The following NETO1 variants were observed in gnomAD, a reference collection of about 807,000 sequenced individuals.
The protein encoded by NETO1 is neuropilin and tolloid-like protein 1.
NETO1 carries 26 observed loss-of-function variants against 61.3 expected under a neutral mutation model. The ratio of observed to expected loss-of-function variants is 0.42; its 90% CI spans 0.31 to 0.59. The LOEUF is 0.59. Among genes scored for constraint, NETO1 ranks in the 20% least tolerant of loss-of-function variants. The probability of loss-of-function intolerance (pLI) is 0.12; values close to 1 mark genes in which losing one functional copy is unlikely to be tolerated. For missense variants in NETO1, 531 were observed against 662.8 expected (o/e 0.80, Z 2.18); for synonymous variants, 225 against 225.8 (o/e 1.00, Z 0.03).
At chr18:72,786,661 T>C (rs2071929483) in intron 6 of NETO1, among the ~76,000 whole-genome samples, 1 of 152,246 alleles carries the variant, frequency 6.6e-6, no homozygotes, top group Middle Eastern at 3.4e-3. Context: ...ACTCATGCAG[T>C]CCATCTGTGA....
chr18:72,790,399 G>T (rs2072075651), intron 6 of NETO1, among the ~76,000 whole-genome samples: 1 of 152,076 alleles, frequency 6.6e-6, no homozygotes, highest in Non-Finnish European at 1.5e-5. Flanking sequence ...AAAGAATGTG[G>T]TTTTGTGAGA....
intron 7 of NETO1, among the ~76,000 whole-genome samples, chr18:72,782,979 C>T (rs1018079587): frequency 6.6e-6 from 1 of 152,148 alleles, no homozygotes; most frequent in African/African-American, 2.4e-5. Context: ...CTGTTCATGT[C>T]ACAAGGTACT....
chr18:72,846,982 C>A (rs920213106), intron 4 of NETO1, among the ~76,000 whole-genome samples: 1 of 152,212 alleles, frequency 6.6e-6, no homozygotes, highest in Admixed American at 6.5e-5. Context: ...GCAAGCAAAA[C>A]GGAAGTTGGA....
intron 7 of NETO1, among the ~76,000 whole-genome samples, chr18:72,765,399 CTA>C (rs2071118407): frequency 1.3e-5 from 2 of 151,444 alleles, no homozygotes; most frequent in Non-Finnish European, 2.9e-5. Flanking sequence ...TGGTGACAGA[CTA>C]TATATCACAA....
Position 72,843,412 on chromosome 18 carries a change from A to G in NETO1, c.469+15414T>C, listed in dbSNP as rs577076181. Among the ~76,000 whole-genome samples the G allele has an allele frequency of 7.2e-5, 11 of 152,310 alleles. No homozygotes were observed. In the East Asian group the frequency reaches 7.7e-4, roughly 11 times the overall value. On this transcript the variant is annotated intron_variant, in intron 4 of 10. Coordinates refer to ENST00000327305, the MANE Select transcript of NETO1 (RefSeq NM_138966.5). ...AGCTGAACCAAATGTATTTCCTCAA[A>G]TCTTGCAGGACATCTGAAATCATCC... is the stretch of plus-strand genomic sequence containing the variant.
At chr18:72,845,864 C>A (rs1217963222) in intron 4 of NETO1, among the ~76,000 whole-genome samples, 1 of 152,156 alleles carries the variant, frequency 6.6e-6, no homozygotes. Flanking sequence ...TGGCGTATTA[C>A]TTTGCAGTCT....
intron 4 of NETO1, among the ~76,000 whole-genome samples, chr18:72,828,655 TAAAC>T (rs773568408): frequency 2.0e-5 from 3 of 151,956 alleles, no homozygotes; most frequent in African/African-American, 4.8e-5. Flanking sequence ...ACAAAAGAAA[TAAAC>T]AAAAGGAAAT....
chr18:72,786,585 C>A (rs188677397), intron 6 of NETO1, among the ~76,000 whole-genome samples: 6 of 152,242 alleles, frequency 3.9e-5, no homozygotes, highest in Non-Finnish European at 1.5e-5. Flanking sequence ...TATGCCCCAA[C>A]GAGGCCTTCA....
chr18:72,761,436 G>A (rs1350413145), intron 7 of NETO1, among the ~76,000 whole-genome samples: 1 of 152,166 alleles, frequency 6.6e-6, no homozygotes, highest in Non-Finnish European at 1.5e-5. Flanking sequence ...ATAGGAGGAA[G>A]GTTTAGCTGT....
chr18:72,842,136 G>A (rs1340133625), intron 4 of NETO1, among the ~76,000 whole-genome samples: 1 of 152,164 alleles, frequency 6.6e-6, no homozygotes, highest in East Asian at 1.9e-4. Flanking sequence ...TTTAAGGTAT[G>A]CAAAAATGCA....
At chr18:72,837,160 A>G (rs1402657860) in intron 4 of NETO1, among the ~76,000 whole-genome samples, 45 of 152,306 alleles carry the variant, frequency 3.0e-4, no homozygotes, top group Non-Finnish European at 1.6e-4. Flanking sequence ...CTATTGTTCA[A>G]TAAACAGGAA....
intron 7 of NETO1, among the ~76,000 whole-genome samples, chr18:72,766,116 G>C (rs1419895525): frequency 1.3e-5 from 2 of 151,896 alleles, no homozygotes; most frequent in Non-Finnish European, 2.9e-5. Context: ...TGAGCGGGGA[G>C]AATCGTTTGA....
intron 6 of NETO1, among the ~76,000 whole-genome samples, chr18:72,786,905 C>A (rs1278108025): frequency 6.6e-6 from 1 of 150,472 alleles, no homozygotes; most frequent in Admixed American, 6.6e-5. Context: ...CAGAGCGAGA[C>A]CCCATCTCCA....
chr18:72,771,214 C>A (rs1302632019), intron 7 of NETO1, among the ~76,000 whole-genome samples: 1 of 152,012 alleles, frequency 6.6e-6, no homozygotes, highest in Non-Finnish European at 1.5e-5. Context: ...TTGTTCTAGA[C>A]AGGAAAAGAT....
At chr18:72,828,320 A>C (rs1389189007) in intron 4 of NETO1, among the ~76,000 whole-genome samples, 1 of 152,192 alleles carries the variant, frequency 6.6e-6, no homozygotes, top group African/African-American at 2.4e-5. Flanking sequence ...CAAGAAAAAA[A>C]AAAAGCAAAT....
intron 4 of NETO1, among the ~76,000 whole-genome samples, chr18:72,828,289 C>T (rs1744578504): frequency 6.6e-6 from 1 of 151,352 alleles, no homozygotes; most frequent in Non-Finnish European, 1.5e-5. Flanking sequence ...CCATCCTGGG[C>T]AATAGAAGAA....
chr18:72,821,452 C>G (rs1011923295), intron 4 of NETO1, among the ~76,000 whole-genome samples: 1 of 150,314 alleles, frequency 6.7e-6, no homozygotes, highest in Non-Finnish European at 1.5e-5. Flanking sequence ...TATAATCCAA[C>G]TACTCAAGAG....
At chr18:72,839,748 G>A (rs761514041) in intron 4 of NETO1, among the ~76,000 whole-genome samples, 28 of 152,110 alleles carry the variant, frequency 1.8e-4, no homozygotes, top group Non-Finnish European at 2.4e-4. Flanking sequence ...AAAATGGGAA[G>A]AGGCAAACTT....
intron 1 of NETO1, chr18:72,865,613 G>A (rs564691524): frequency 2.9e-5 from 46 of 1,600,960 alleles, no homozygotes; most frequent in African/African-American, 1.1e-4. Context: ...AATGAAGAGA[G>A]GGGCCAGAAG....
Sources: allele counts gnomAD v4.1 joint callset (sites outside exome capture counted in the v4.1 genomes callset), GRCh38; gene constraint gnomAD v4.1.1; transcripts MANE v1.5; gene names NCBI Gene and HGNC (gene_info 2026-07-23, HGNC 2026-07-21).